ARHGAP26: variants seen among roughly 807,000 people sequenced by gnomAD.
ARHGAP26 encodes Rho GTPase activating protein 26, also known as rho GTPase-activating protein 26.
Under a neutral mutation model 104.8 loss-of-function variants are expected in ARHGAP26, and 38 were observed. The ratio of observed to expected loss-of-function variants is 0.36; its 90% CI spans 0.28 to 0.48. ARHGAP26 has a LOEUF of 0.48. Among genes scored for constraint, ARHGAP26 ranks in the 20% least tolerant of loss-of-function variants. ARHGAP26 has a pLI of 0.99. For missense variants in ARHGAP26, 704 were observed against 947.9 expected, an observed-to-expected ratio of 0.74 and a Z score of 3.38; for synonymous variants, 341 against 340.0, an observed-to-expected ratio of 1.00 and a Z score of -0.03.
intron 20 of ARHGAP26, among the ~76,000 whole-genome samples, chr5:143,198,438 G>T (rs1180312598): frequency 6.6e-6 from 1 of 152,158 alleles, no homozygotes; most frequent in African/African-American, 2.4e-5. Flanking sequence ...AGATTGAGAG[G>T]CTACACTTAG....
chr5:142,824,590 C>T (rs972329851), intron 1 of ARHGAP26, among the ~76,000 whole-genome samples: 1 of 152,192 alleles, frequency 6.6e-6, no homozygotes, highest in Admixed American at 6.5e-5. Context: ...GCATGGAGCT[C>T]GGCAGGATTA....
At chr5:143,155,256 CCTCCCTCTGTCACCTCAGG>C (rs1173169982) in intron 20 of ARHGAP26, among the ~76,000 whole-genome samples, 2 of 152,134 alleles carry the variant, frequency 1.3e-5, no homozygotes, top group Non-Finnish European at 2.9e-5. Flanking sequence ...TGCCAGATAC[CCTCCCTCTGTCACCTCAGG>C]CTCCTGGGCT....
chr5:142,951,764 C>T (rs1450502330), intron 11 of ARHGAP26, among the ~76,000 whole-genome samples: 1 of 152,220 alleles, frequency 6.6e-6, no homozygotes, highest in Non-Finnish European at 1.5e-5. Flanking sequence ...AGCTTTTCTG[C>T]ACCTTCCAGA....
At chr5:143,055,292 G>A (rs938493012) in intron 15 of ARHGAP26, among the ~76,000 whole-genome samples, 2 of 152,166 alleles carry the variant, frequency 1.3e-5, no homozygotes, top group Admixed American at 1.3e-4. Context: ...AAAGGAAGGA[G>A]GCCACAGAAA....
intron 1 of ARHGAP26, among the ~76,000 whole-genome samples, chr5:142,819,156 T>G (rs1422815043): frequency 1.3e-5 from 2 of 152,176 alleles, no homozygotes; most frequent in Non-Finnish European, 2.9e-5. Context: ...ATGGACTGGT[T>G]TTCTGCCTCA....
chr5:143,196,399 A>G (rs1806837300), intron 20 of ARHGAP26, among the ~76,000 whole-genome samples: 2 of 152,356 alleles, frequency 1.3e-5, no homozygotes, highest in South Asian at 2.1e-4. Context: ...ATTACTGAAT[A>G]CTAAGCCATT....
At chr5:142,988,360 T>G (rs245722) in intron 11 of ARHGAP26, among the ~76,000 whole-genome samples, 39,164 of 151,944 alleles carry the variant, frequency 0.26, 5,438 homozygotes, top group East Asian at 0.47. Flanking sequence ...TTTTTATTGT[T>G]TCTAGTTTAT....
intron 11 of ARHGAP26, among the ~76,000 whole-genome samples, chr5:142,942,605 T>G (rs1474392206): frequency 1.3e-5 from 2 of 152,240 alleles, no homozygotes; most frequent in African/African-American, 4.8e-5. Flanking sequence ...TCCCACTCTC[T>G]AAGTTCATGG....
chr5:143,135,087 G>C (rs1054390381), intron 19 of ARHGAP26, among the ~76,000 whole-genome samples: 1 of 152,236 alleles, frequency 6.6e-6, no homozygotes, highest in Non-Finnish European at 1.5e-5. Flanking sequence ...ACAAATGTGA[G>C]TCAGCATCAC....
At chr5:142,781,142 G>C (rs1332315216) in intron 1 of ARHGAP26, among the ~76,000 whole-genome samples, 2 of 152,202 alleles carry the variant, frequency 1.3e-5, no homozygotes, top group Admixed American at 6.5e-5. Context: ...GCCTCTGGGG[G>C]AGGGAGCAGA....
intron 20 of ARHGAP26, among the ~76,000 whole-genome samples, chr5:143,201,795 T>C (rs1320378306): frequency 6.6e-6 from 1 of 152,230 alleles, no homozygotes; most frequent in Non-Finnish European, 1.5e-5. Flanking sequence ...ACATGCATCT[T>C]TGCAGTACAT....
chr5:143,022,170 C>T (rs1780431509), intron 12 of ARHGAP26, among the ~76,000 whole-genome samples: 1 of 152,184 alleles, frequency 6.6e-6, no homozygotes, highest in African/African-American at 2.4e-5. Context: ...CTCCTGGGCT[C>T]AGGTGATTCT....
intron 20 of ARHGAP26, chr5:143,168,710 G>A (rs1562543234): frequency 6.6e-6 from 1 of 152,024 alleles, no homozygotes; most frequent in Non-Finnish European, 1.5e-5. Flanking sequence ...TTGGAGTTAG[G>A]CTATATCTCT....
intron 1 of ARHGAP26, among the ~76,000 whole-genome samples, chr5:142,804,914 G>A (rs1762708724): frequency 6.6e-6 from 1 of 152,054 alleles, no homozygotes; most frequent in Non-Finnish European, 1.5e-5. Context: ...GCCATTTCTG[G>A]CCATCTTGTA....
chr5:143,090,705 T>C (rs73799911), intron 17 of ARHGAP26, among the ~76,000 whole-genome samples: 11,819 of 152,252 alleles, frequency 0.078, 770 homozygotes, highest in East Asian at 0.21. Flanking sequence ...GCTGTCCCTC[T>C]AGTAAAATGA....
chr5:142,795,764 A>T (rs1760856063), intron 1 of ARHGAP26, among the ~76,000 whole-genome samples: 1 of 152,224 alleles, frequency 6.6e-6, no homozygotes, highest in Non-Finnish European at 1.5e-5. Context: ...AACTTGGTAG[A>T]TGGATGTCAC....
chr5:142,876,864 A>G lies in ARHGAP26; in HGVS notation c.312+1693A>G, dbSNP rs560079514. ...TTACCTTTTGCCCTACGGAAAGACC[A>G]CTTTCTCTTGATTGCTCACTGCTGG... is the stretch of plus-strand genomic sequence containing the variant. On this transcript the variant is annotated intron_variant, in intron 3 of 22. Coordinates refer to ENST00000645722, the MANE Select transcript of ARHGAP26 (RefSeq NM_001135608.3). Among the ~76,000 whole-genome samples the G allele has an allele frequency of 1.0e-4, 15 of 150,604 alleles. No homozygotes were observed. The South Asian group carries it at 2.7e-3, about 27-fold the overall frequency.
chr5:143,147,050 G>A (rs117906723), intron 19 of ARHGAP26, among the ~76,000 whole-genome samples, 181 bp from the exon 20 acceptor site: 59 of 152,270 alleles, frequency 3.9e-4, no homozygotes, highest in African/African-American at 1.4e-3. Flanking sequence ...CGAGTCACCT[G>A]TTCCCCCTTG....
chr5:142,771,244 G>A (rs958268598), intron 1 of ARHGAP26: 2 of 1,253,388 alleles, frequency 1.6e-6, no homozygotes, highest in South Asian at 3.3e-5. Context: ...CGAGCGCGCC[G>A]CAGCCAGCGG....
Sources: gnomAD v4.1 joint callset for allele counts (sites outside exome capture counted in the v4.1 genomes callset) on GRCh38, gnomAD v4.1.1 for gene constraint, MANE v1.5 for transcripts, NCBI Gene and HGNC (gene_info 2026-07-23, HGNC 2026-07-21) for gene names.